Variants in GALNT17 observed in about 807,000 individuals in gnomAD.
GALNT17 encodes the protein UDP-GalNAc:polypeptide N-acetylgalactosaminyltransferase-like 3.
A neutral mutation model predicts 63.7 loss-of-function variants in GALNT17; 29 were observed. The ratio of observed to expected loss-of-function variants is 0.46; its 90% CI spans 0.34 to 0.62. GALNT17 has a LOEUF of 0.62. Ranked by LOEUF, GALNT17 falls within the 20% of genes least tolerant of loss-of-function variation. The pLI is 0.01. For missense variants in GALNT17, 603 were observed against 799.6 expected (o/e 0.75, Z 2.97); for synonymous variants, 305 against 318.3 (o/e 0.96, Z 0.45).
intron 1 of GALNT17, among the ~76,000 whole-genome samples, chr7:71,253,812 G>A (rs1024378027): frequency 2.6e-5 from 4 of 152,152 alleles, no homozygotes; most frequent in Admixed American, 2.0e-4. Context: ...CTAAAACCCA[G>A]TGTGCCCAAG....
At chr7:71,308,014 G>A (rs1791338725) in intron 1 of GALNT17, among the ~76,000 whole-genome samples, 1 of 151,902 alleles carries the variant, frequency 6.6e-6, no homozygotes, top group Non-Finnish European at 1.5e-5. Flanking sequence ...TGATTCAGGG[G>A]TCTTGTGTGT....
intron 1 of GALNT17, among the ~76,000 whole-genome samples, chr7:71,311,406 T>A (rs1791411931): frequency 6.6e-6 from 1 of 152,172 alleles, no homozygotes; most frequent in Non-Finnish European, 1.5e-5. Context: ...ATCTTATGTT[T>A]GGAGATAGCT....
At chr7:71,154,833 C>T (rs1441600672) in intron 1 of GALNT17, among the ~76,000 whole-genome samples, 1 of 151,878 alleles carries the variant, frequency 6.6e-6, no homozygotes, top group African/African-American at 2.4e-5. Flanking sequence ...GCCTTGGCCT[C>T]CCAAAGTGCT....
chr7:71,212,598 C>T (rs1789401728), intron 1 of GALNT17, among the ~76,000 whole-genome samples: 1 of 152,102 alleles, frequency 6.6e-6, no homozygotes, highest in East Asian at 1.9e-4. Context: ...ACACTCAACG[C>T]TAGCTTGTGA....
chr7:71,453,077 A>G (rs1787295140), intron 5 of GALNT17, among the ~76,000 whole-genome samples: 1 of 152,176 alleles, frequency 6.6e-6, no homozygotes, highest in Non-Finnish European at 1.5e-5. Context: ...AGACATGCCA[A>G]CATTGTTCAT....
chr7:71,628,790 G>T (rs1444484106), intron 6 of GALNT17, among the ~76,000 whole-genome samples: 1 of 152,066 alleles, frequency 6.6e-6, no homozygotes, highest in Non-Finnish European at 1.5e-5. Flanking sequence ...AAATTAGCCA[G>T]GTGTGGTGGC....
intron 3 of GALNT17, among the ~76,000 whole-genome samples, chr7:71,411,203 C>T (rs769202213): frequency 6.6e-6 from 1 of 152,016 alleles, no homozygotes; most frequent in African/African-American, 2.4e-5. Context: ...TCACTGCAAC[C>T]CCTGCCCCCT....
At chr7:71,560,797 C>G (rs1007310252) in intron 5 of GALNT17, among the ~76,000 whole-genome samples, 1 of 152,146 alleles carries the variant, frequency 6.6e-6, no homozygotes, top group Admixed American at 6.6e-5. Flanking sequence ...GTAAAACAGG[C>G]TGATTGCTCA....
intron 4 of GALNT17, among the ~76,000 whole-genome samples, chr7:71,418,183 A>G (rs1786578979): frequency 6.6e-6 from 1 of 152,156 alleles, no homozygotes; most frequent in Non-Finnish European, 1.5e-5. Context: ...CCTCAAGTCT[A>G]CAGTCTAATT....
chr7:71,335,751 C>T lies in GALNT17; in HGVS notation c.422+18C>T, dbSNP rs189106568. The T allele has an allele frequency of 6.3e-7, 1 of 1,577,284 alleles. No individual in the cohort carries two copies. The highest frequency in any genetic ancestry group is 1.4e-5 in the African/African-American group (1 of 73,772). On this transcript the variant is annotated intron_variant, in intron 2 of 10. Transcript: ENST00000333538. ...CCCACCAAGTAAGTTCTGGTTCAGT[C>T]ATTTGCGGAGCTTGATGGGTCGTCA...
intron 6 of GALNT17, among the ~76,000 whole-genome samples, chr7:71,580,572 A>G (rs1789621825): frequency 6.6e-6 from 1 of 152,164 alleles, no homozygotes. Context: ...AATAGATGAT[A>G]AAGCTGCGTA....
chr7:71,157,174 T>G (rs992700610), intron 1 of GALNT17, among the ~76,000 whole-genome samples: 2 of 151,822 alleles, frequency 1.3e-5, no homozygotes, highest in African/African-American at 4.9e-5. Flanking sequence ...GACAAAAGCT[T>G]TAAAGTCTTC....
At chr7:71,347,308 C>A (rs578126796) in intron 2 of GALNT17, among the ~76,000 whole-genome samples, 1 of 152,118 alleles carries the variant, frequency 6.6e-6, no homozygotes, top group African/African-American at 2.4e-5. Flanking sequence ...TGACCTTGGG[C>A]AAGTTGCTTA....
intron 9 of GALNT17, among the ~76,000 whole-genome samples, chr7:71,702,950 C>A (rs567069172): frequency 2.6e-5 from 4 of 152,250 alleles, no homozygotes; most frequent in African/African-American, 7.2e-5. Flanking sequence ...GTTGGGTCAT[C>A]TAAATTTAAA....
chr7:71,606,242 A>G (rs1790046549), intron 6 of GALNT17, among the ~76,000 whole-genome samples: 1 of 151,378 alleles, frequency 6.6e-6, no homozygotes, highest in Non-Finnish European at 1.5e-5. Flanking sequence ...GGCGTGAGCC[A>G]CTGCGCCCAA....
Position 71,377,098 on chromosome 7 carries a change from AAATAAAAAT to A in GALNT17, c.423-11134_423-11126del, listed in dbSNP as rs1481513638. 1.6e-4 allele frequency among the ~76,000 whole-genome samples: 10 copies of A among 60,616 alleles called. 1 individual carries two copies. Among genetic ancestry groups the A allele is most frequent in the South Asian group, 8.2e-4 (2 of 2,434 alleles). The allele number at this position is 60,616 out of a possible 152,430, so 39.8% of individuals were successfully genotyped here. On this transcript the variant is annotated intron_variant, in intron 2 of 10. Transcript: ENST00000333538. The stretch of plus-strand genomic sequence containing the variant: ...GATATTCCATCTCAAAAAAAAAAAA[AAATAAAAAT>A]AAAAAAAATATATATATATATATAT...
intron 5 of GALNT17, among the ~76,000 whole-genome samples, chr7:71,496,989 G>T (rs1788107214): frequency 6.6e-6 from 1 of 152,078 alleles, no homozygotes; most frequent in Admixed American, 6.6e-5. Flanking sequence ...GAGGCAGGAG[G>T]ATCACTTGAG....
chr7:71,399,305 C>G (rs1329633908), intron 3 of GALNT17, among the ~76,000 whole-genome samples: 1 of 152,196 alleles, frequency 6.6e-6, no homozygotes, highest in Non-Finnish European at 1.5e-5. Flanking sequence ...AGCCTTCGTG[C>G]TAGTCTTCCT....
intron 3 of GALNT17, among the ~76,000 whole-genome samples, chr7:71,390,996 T>A (rs1381696905): frequency 6.6e-6 from 1 of 152,216 alleles, no homozygotes; most frequent in Non-Finnish European, 1.5e-5. Flanking sequence ...GGTTCTGTGC[T>A]ATCTTAGCAC....
Sources: gnomAD v4.1 joint callset for allele counts (sites outside exome capture counted in the v4.1 genomes callset) on GRCh38, gnomAD v4.1.1 for gene constraint, MANE v1.5 for transcripts, NCBI Gene and HGNC (gene_info 2026-07-23, HGNC 2026-07-21) for gene names.